The following TULP4 variants were observed in gnomAD, a reference collection of about 807,000 sequenced individuals.
TULP4 encodes the protein TUB like protein 4, also known as tubby-related protein 4.
A neutral mutation model predicts 129.0 loss-of-function variants in TULP4; 16 were observed. The observed-to-expected ratio is 0.12, with a 90% confidence interval of 0.08 to 0.19. The LOEUF (loss-of-function observed/expected upper bound fraction) is 0.19. Among genes scored for constraint, TULP4 ranks in the 10% least tolerant of loss-of-function variants. The pLI is 1.00. For synonymous variants in TULP4, 998 were observed against 854.0 expected (o/e 1.17, Z -2.94); for missense variants, 1,842 against 2,059.1 (o/e 0.89, Z 2.04).
At chr6:158,246,297 C>T (rs1417554587) in intron 1 of TULP4, among the ~76,000 whole-genome samples, 1 of 151,718 alleles carries the variant, frequency 6.6e-6, no homozygotes. Context: ...GTCAGGAGAT[C>T]GAGACCACGG....
intron 1 of TULP4, among the ~76,000 whole-genome samples, chr6:158,409,606 T>G (rs1362405864): frequency 6.6e-6 from 1 of 152,106 alleles, no homozygotes; most frequent in Non-Finnish European, 1.5e-5. Flanking sequence ...CCAAATAGGC[T>G]GGAAGGATTT....
intron 3 of TULP4, 132 bp downstream of exon 3, chr6:158,430,029 TC>T: frequency 2.3e-6 from 2 of 857,322 alleles, no homozygotes; most frequent in African/African-American, 1.7e-5. Flanking sequence ...AATAAAACTG[TC>T]CAGGTAAAAA....
chr6:158,448,822 G>T (rs1408802704), intron 3 of TULP4, among the ~76,000 whole-genome samples, 174 bp from the exon 4 acceptor site: 2 of 152,214 alleles, frequency 1.3e-5, no homozygotes, highest in Non-Finnish European at 2.9e-5. Context: ...ATTGTTGCAG[G>T]AATAGCCAGC....
chr6:158,250,484 T>C (rs1388775879), intron 1 of TULP4, among the ~76,000 whole-genome samples: 1 of 152,196 alleles, frequency 6.6e-6, no homozygotes, highest in Non-Finnish European at 1.5e-5. Flanking sequence ...GAGAGAGATA[T>C]AGAAGCAATA....
chr6:158,457,624 C>G (rs1248940921), intron 5 of TULP4, among the ~76,000 whole-genome samples: 1 of 152,182 alleles, frequency 6.6e-6, no homozygotes, highest in Non-Finnish European at 1.5e-5. Flanking sequence ...TCTGCCCAAG[C>G]CAGTTCATCC....
At chr6:158,469,987 G>A (rs374406791) in intron 6 of TULP4, among the ~76,000 whole-genome samples, 5 of 151,994 alleles carry the variant, frequency 3.3e-5, no homozygotes, top group African/African-American at 9.7e-5. Context: ...TTGGCCTCAC[G>A]GATTCCAAGG....
At chr6:158,378,321 G>A (rs1777238447) in intron 1 of TULP4, among the ~76,000 whole-genome samples, 1 of 152,096 alleles carries the variant, frequency 6.6e-6, no homozygotes, top group Non-Finnish European at 1.5e-5. Flanking sequence ...TTTGCAATCT[G>A]CAAAATTGTA....
At chr6:158,264,336 A>G (rs374850172) in intron 1 of TULP4, among the ~76,000 whole-genome samples, 17 of 152,320 alleles carry the variant, frequency 1.1e-4, no homozygotes, top group East Asian at 3.9e-4. Context: ...ATTTCTGGGA[A>G]TTAGTGCCAT....
intron 8 of TULP4, 32 bp downstream of exon 8, chr6:158,481,321 G>C (rs926729253): frequency 7.6e-6 from 12 of 1,587,778 alleles, no homozygotes; most frequent in Non-Finnish European, 9.4e-6. Context: ...CTGGGACCTT[G>C]TTCTCCTGTG....
intron 1 of TULP4, among the ~76,000 whole-genome samples, chr6:158,395,799 A>G (rs1037869175): frequency 4.7e-5 from 7 of 150,040 alleles, no homozygotes; most frequent in Non-Finnish European, 8.9e-5. Context: ...GTTCTAGTTG[A>G]GCCTGTTTTT....
intron 1 of TULP4, among the ~76,000 whole-genome samples, chr6:158,330,054 AT>A (rs1562522471): frequency 2.0e-5 from 3 of 152,182 alleles, no homozygotes; most frequent in Non-Finnish European, 1.5e-5. Flanking sequence ...GGTGAAATTA[AT>A]TTTTAATATA....
intron 8 of TULP4, among the ~76,000 whole-genome samples, chr6:158,486,954 A>G (rs953136282): frequency 6.6e-6 from 1 of 151,980 alleles, no homozygotes; most frequent in Non-Finnish European, 1.5e-5. Context: ...CTACTAAAAT[A>G]CAAAAAAAAA....
chr6:158,253,042 G>A lies in TULP4; in HGVS notation n.68+20739G>A, dbSNP rs140649529. Among the ~76,000 whole-genome samples, 56 of 152,330 alleles carry A rather than the reference G, an allele frequency of 3.7e-4. 2 individuals carry two copies. The South Asian group carries it at 0.011, about 31-fold the overall frequency. On this transcript the variant is annotated intron_variant and non_coding_transcript_variant, in intron 1 of 1. Coordinates refer to the TULP4 transcript ENST00000620026. ...CAGGGATGCTGCTTTGCATGTGTGA[G>A]GCCACAAGAAACTTGGGCATAGAAA... is the stretch of plus-strand genomic sequence containing the variant.
intron 1 of TULP4, among the ~76,000 whole-genome samples, chr6:158,388,331 T>TTTC (rs1554286535): frequency 1.2e-5 from 1 of 85,782 alleles, no homozygotes; most frequent in African/African-American, 3.4e-5. Flanking sequence ...TCTTTTTTTT[T>TTTC]TTTTTTTTTT....
Position 158,440,052 on chromosome 6 carries a change from G to A in TULP4, c.544-8944G>A, listed in dbSNP as rs573311532. ...TAAAAAAAAATAAATCTGACCTGGC[G>A]CGGTGGCTCACACCTCTAATTCCAG... On this transcript the variant is annotated intron_variant, in intron 3 of 13. Coordinates refer to ENST00000367097, the MANE Select transcript of TULP4 (RefSeq NM_020245.5). Among the ~76,000 whole-genome samples the A allele has an allele frequency of 2.6e-5, 4 of 151,636 alleles. No homozygotes were observed. The East Asian group carries it at 5.9e-4, about 22-fold the overall frequency.
chr6:158,470,029 T>C (rs553008457), intron 6 of TULP4, among the ~76,000 whole-genome samples: 4 of 152,216 alleles, frequency 2.6e-5, no homozygotes, highest in South Asian at 2.1e-4. Flanking sequence ...GTGGGTGTTA[T>C]AGCTCTATTA....
chr6:158,476,440 A>G (rs937107027), intron 6 of TULP4, among the ~76,000 whole-genome samples: 2 of 152,032 alleles, frequency 1.3e-5, no homozygotes, highest in African/African-American at 4.8e-5. Flanking sequence ...CCAGGTTCTA[A>G]TGTTCCATCC....
rs552225619 is a variant in TULP4 at position 158,461,136 on chromosome 6, G to T, written c.860-427G>T. ...GCTAAAACATGAATATATGGGCTGG[G>T]TGCAGTGGCTCACGCCTGTAATCCC... is the stretch of plus-strand genomic sequence containing the variant. On this transcript the variant is annotated intron_variant, in intron 5 of 13. Transcript: ENST00000367097. 4.3e-4 allele frequency among the ~76,000 whole-genome samples: 65 copies of T among 152,318 alleles called. No individual in the cohort carries two copies. The Middle Eastern group carries it at 0.014, about 32-fold the overall frequency.
At position 158,504,097 on chromosome 6, in the gene TULP4, C is replaced by T. The variant is rs1454399724; in HGVS notation, c.4434C>T (p.Thr1478=). 1.2e-6 allele frequency: 2 copies of T among 1,608,752 alleles called. No individual in the cohort carries two copies. Among genetic ancestry groups the T allele is most frequent in the Admixed American group, 3.4e-5 (2 of 59,084 alleles). The part of the protein sequence containing the change: ...ANKQPLWNEA[T]QVYQLDFGGR... ...AGCAGCCGCTGTGGAACGAGGCCACCCAGGTCTACCAGCTGGACTTCGGGG... is the reference window on the plus strand; with the variant it reads ...AGCAGCCGCTGTGGAACGAGGCCACTCAGGTCTACCAGCTGGACTTCGGGG... The change falls in exon 13 of 14, where the codon ACC becomes ACT. Residue 1478 remains threonine, a synonymous_variant. Coordinates refer to ENST00000367097, the MANE Select transcript of TULP4 (RefSeq NM_020245.5).
Sources: allele counts gnomAD v4.1 joint callset (sites outside exome capture counted in the v4.1 genomes callset), GRCh38; gene constraint gnomAD v4.1.1; transcripts MANE v1.5; gene names NCBI Gene and HGNC (gene_info 2026-07-23, HGNC 2026-07-21).